Variants in WNT3A observed in about 807,000 individuals in gnomAD.
WNT3A encodes Wnt family member 3A.
In WNT3A, 17 loss-of-function variants were observed where a neutral mutation model predicts 37.0. The ratio of observed to expected loss-of-function variants is 0.46; its 90% CI spans 0.31 to 0.69. The LOEUF (loss-of-function observed/expected upper bound fraction) is 0.69, where lower values mean the gene tolerates loss of function less well. Ranked by LOEUF, WNT3A falls within the 30% of genes least tolerant of loss-of-function variation. The pLI is 0.05. For missense variants in WNT3A, 411 were observed against 510.2 expected (o/e 0.81, Z 1.87); for synonymous variants, 187 against 211.0 (o/e 0.89, Z 0.99).
At chr1:228,026,136 A>AT (rs35216745) in intron 2 of WNT3A, among the ~76,000 whole-genome samples, 78 of 150,378 alleles carry the variant, frequency 5.2e-4, no homozygotes, top group Non-Finnish European at 4.9e-4. Context: ...CAAGAAATAC[A>AT]TTTTTTTTTT....
At chr1:228,013,452 C>T (rs2030435580) in intron 1 of WNT3A, among the ~76,000 whole-genome samples, 1 of 152,236 alleles carries the variant, frequency 6.6e-6, no homozygotes, top group Admixed American at 6.5e-5. Flanking sequence ...CCCAGGGAAA[C>T]TGGCAAGTGC....
chr1:228,036,721 C>T (rs1459235533), intron 2 of WNT3A, among the ~76,000 whole-genome samples: 2 of 152,216 alleles, frequency 1.3e-5, no homozygotes, highest in African/African-American at 4.8e-5. Flanking sequence ...GGAGGGCTCA[C>T]TTCCCTGCAG....
intron 1 of WNT3A, among the ~76,000 whole-genome samples, chr1:228,011,477 C>T (rs1173857171): frequency 6.6e-6 from 1 of 152,162 alleles, no homozygotes; most frequent in African/African-American, 2.4e-5. Flanking sequence ...TCTTCCCTGC[C>T]TCTGTCCCTC....
chr1:228,060,005 G>A lies in WNT3A; in HGVS notation c.*540G>A. 8.6e-7 allele frequency: 1 copy of A among 1,158,928 alleles called. No individual in the cohort carries two copies. The highest frequency in any genetic ancestry group is 1.1e-6 in the Non-Finnish European group (1 of 924,746). The allele number at this position is 1,158,928 out of a possible 1,614,324, so 71.8% of individuals were successfully genotyped here. A position where few individuals can be genotyped will look rare whatever the true frequency, so the allele number is the denominator to read the frequency against. On this transcript the variant is annotated 3_prime_UTR_variant, in exon 4 of 4. Coordinates refer to ENST00000284523, the MANE Select transcript of WNT3A (RefSeq NM_033131.4). ...TTTATGGTGGATGAGGCTTCTTCCT[G>A]GATGGGGCAGAGCTTCTCCTGACCA...
At chr1:228,027,557 G>A (rs921481857) in intron 2 of WNT3A, among the ~76,000 whole-genome samples, 2 of 151,952 alleles carry the variant, frequency 1.3e-5, no homozygotes, top group African/African-American at 2.4e-5. Context: ...TATGTTTTTT[G>A]GCCATTTGTA....
At chr1:228,053,499 T>C (rs1333224308) in intron 3 of WNT3A, among the ~76,000 whole-genome samples, 3 of 152,234 alleles carry the variant, frequency 2.0e-5, no homozygotes, top group Non-Finnish European at 4.4e-5. Flanking sequence ...TTAAGAACTT[T>C]CATCCATAAA....
intron 2 of WNT3A, among the ~76,000 whole-genome samples, chr1:228,046,660 G>GT (rs2031418771): frequency 1.3e-5 from 2 of 151,498 alleles, no homozygotes; most frequent in Admixed American, 6.6e-5. Flanking sequence ...GTGCATGTGT[G>GT]GGGGGGATGT....
intron 2 of WNT3A, among the ~76,000 whole-genome samples, chr1:228,035,090 C>G (rs114615586): frequency 6.1e-4 from 93 of 152,272 alleles, no homozygotes; most frequent in African/African-American, 2.1e-3. Context: ...AAGCCAGTGA[C>G]CTAAGGACAA....
At chr1:228,024,685 T>C (rs1558287006) in intron 2 of WNT3A, among the ~76,000 whole-genome samples, 1 of 152,364 alleles carries the variant, frequency 6.6e-6, no homozygotes, top group South Asian at 2.1e-4. Flanking sequence ...CCAGTTTATA[T>C]AGATGTCATA....
At chr1:228,046,975 G>A (rs1432748349) in intron 2 of WNT3A, among the ~76,000 whole-genome samples, 1 of 152,152 alleles carries the variant, frequency 6.6e-6, no homozygotes, top group Non-Finnish European at 1.5e-5. Context: ...CCTCCTAGGG[G>A]CCTCTTCATG....
At chr1:228,056,512 A>G (rs963107580) in intron 3 of WNT3A, among the ~76,000 whole-genome samples, 1 of 152,196 alleles carries the variant, frequency 6.6e-6, no homozygotes, top group African/African-American at 2.4e-5. Flanking sequence ...ACCCTCCCAC[A>G]AGACAGAAAG....
In WNT3A at chr1:228,022,658, C is replaced by T; in HGVS notation, c.72-9C>T. 1.2e-6 allele frequency: 2 copies of T among 1,608,892 alleles called. No individual in the cohort carries two copies. Among genetic ancestry groups the T allele is most frequent in the Non-Finnish European group, 1.7e-6 (2 of 1,176,024 alleles). ...CCCCACACTCACCACCGGATCTTGC[C>T]CTCTGCAGGTCGCTGGCTGTTGGGC... is the stretch of plus-strand genomic sequence containing the variant. On this transcript the variant is annotated splice_polypyrimidine_tract_variant and intron_variant, in intron 1 of 3. Transcript: ENST00000284523.
At position 228,039,908 on chromosome 1, in the gene WNT3A, T is replaced by A. The variant is rs933597106; in HGVS notation, c.314-10748T>A. Among the ~76,000 whole-genome samples the A allele has an allele frequency of 6.6e-6, 1 of 152,110 alleles. No homozygotes were observed. Among genetic ancestry groups the A allele is most frequent in the Non-Finnish European group, 1.5e-5 (1 of 67,992 alleles). ...CCACCCCCTGACCCAGAACTTTCCC[T>A]CCTTCAAGTTGTTTGTCCCTCAGAA... On this transcript the variant is annotated intron_variant, in intron 2 of 3. Coordinates refer to ENST00000284523, the MANE Select transcript of WNT3A (RefSeq NM_033131.4). The surrounding 1 kb of genome is among the most constrained non-coding windows in gnomAD (Gnocchi z 4.1).
chr1:228,028,719 G>A (rs956479222), intron 2 of WNT3A, among the ~76,000 whole-genome samples: 2 of 152,088 alleles, frequency 1.3e-5, no homozygotes, highest in African/African-American at 4.8e-5. Flanking sequence ...GATTGCTTTG[G>A]GCAGTATTGT....
Position 228,042,387 on chromosome 1 carries a change from GGATGGATGGATGGAT to G in WNT3A, c.314-8255_314-8241del, listed in dbSNP as rs1391337226. On this transcript the variant is annotated intron_variant, in intron 2 of 3. Coordinates refer to ENST00000284523, the MANE Select transcript of WNT3A (RefSeq NM_033131.4). The surrounding 1 kb of genome is among the most constrained non-coding windows in gnomAD (Gnocchi z 5.2). Reference sequence around the variant, plus strand: ...GGCTCATTAGGGACTCTCAGATCCTGGATGGATGGATGGATGATGGATGGATGGTGGGTGGTGGAT... The same window carrying G: ...GGCTCATTAGGGACTCTCAGATCCTGGATGGATGGATGGTGGGTGGTGGAT... Among the ~76,000 whole-genome samples, 11 of 152,270 alleles carry G rather than the reference GGATGGATGGATGGAT, an allele frequency of 7.2e-5. No individual in the cohort carries two copies. Among genetic ancestry groups the G allele is most frequent in the South Asian group, 6.2e-4 (3 of 4,816 alleles).
intron 2 of WNT3A, among the ~76,000 whole-genome samples, chr1:228,040,502 A>ATAG (rs1458764700): frequency 6.6e-6 from 1 of 152,206 alleles, no homozygotes; most frequent in East Asian, 1.9e-4. Flanking sequence ...TCACTGCGTA[A>ATAG]TAAATAGTGG....
intron 1 of WNT3A, among the ~76,000 whole-genome samples, chr1:228,022,078 A>T (rs554423496): frequency 6.6e-6 from 1 of 152,374 alleles, no homozygotes; most frequent in South Asian, 2.1e-4. Context: ...CACATAGATG[A>T]TATCAAAACA....
chr1:228,025,961 G>A (rs1319280320), intron 2 of WNT3A, among the ~76,000 whole-genome samples: 6 of 142,230 alleles, frequency 4.2e-5, no homozygotes, highest in African/African-American at 1.0e-4. Flanking sequence ...GTCTCCCTAT[G>A]TTGCCCAGGC....
intron 2 of WNT3A, among the ~76,000 whole-genome samples, chr1:228,026,038 C>A (rs1031432228): frequency 1.3e-5 from 2 of 151,914 alleles, no homozygotes; most frequent in African/African-American, 2.4e-5. Flanking sequence ...GGGTTACAGG[C>A]GTGAGCCACT....
Sources: gnomAD v4.1 joint callset for allele counts (sites outside exome capture counted in the v4.1 genomes callset) on GRCh38, gnomAD v4.1.1 for gene constraint, Gnocchi (gnomAD v3.1) non-coding constraint, MANE v1.5 for transcripts, NCBI Gene and HGNC (gene_info 2026-07-23, HGNC 2026-07-21) for gene names.